PARD3: variants seen among roughly 807,000 people sequenced by gnomAD.
The protein encoded by PARD3 is par-3 family cell polarity regulator, also known as partitioning defective 3 homolog.
Under a neutral mutation model 155.4 loss-of-function variants are expected in PARD3, and 75 were observed. That is an observed-to-expected ratio of 0.48 (90% CI 0.40 to 0.58). The LOEUF (loss-of-function observed/expected upper bound fraction) is 0.58, where lower values mean the gene tolerates loss of function less well. Among genes scored for constraint, PARD3 ranks in the 20% least tolerant of loss-of-function variants. The probability of loss-of-function intolerance (pLI) is 0.00; values close to 1 mark genes in which losing one functional copy is unlikely to be tolerated. For synonymous variants in PARD3, 576 were observed against 610.5 expected (o/e 0.94, Z 0.83); for missense variants, 1,642 against 1,721.7 (o/e 0.95, Z 0.82).
intron 2 of PARD3, among the ~76,000 whole-genome samples, chr10:34,519,818 T>TA (rs1405702381): frequency 3.9e-4 from 46 of 118,112 alleles, no homozygotes; most frequent in Middle Eastern, 4.1e-3. Flanking sequence ...CATCTCAAAA[T>TA]AAATAACATA....
chr10:34,208,208 A>T (rs1951570878), intron 22 of PARD3, among the ~76,000 whole-genome samples: 1 of 152,252 alleles, frequency 6.6e-6, no homozygotes, highest in African/African-American at 2.4e-5. Context: ...CACAAGTCAA[A>T]TCAGGTTGTC....
chr10:34,682,163 G>T (rs1408745757), intron 2 of PARD3, among the ~76,000 whole-genome samples: 1 of 152,116 alleles, frequency 6.6e-6, no homozygotes, highest in African/African-American at 2.4e-5. Context: ...GCCTGATAGT[G>T]GACGGTCATC....
At chr10:34,157,995 AAACC>A (rs1949094869) in intron 22 of PARD3, among the ~76,000 whole-genome samples, 1 of 152,230 alleles carries the variant, frequency 6.6e-6, no homozygotes, top group South Asian at 2.1e-4. Flanking sequence ...TTATGAAATA[AAACC>A]ATTTCTATTT....
intron 1 of PARD3, among the ~76,000 whole-genome samples, chr10:34,807,402 C>T (rs888344167): frequency 6.6e-6 from 1 of 152,166 alleles, no homozygotes; most frequent in Non-Finnish European, 1.5e-5. Flanking sequence ...ATCACATAAC[C>T]ATAAACTCCA....
intron 2 of PARD3, among the ~76,000 whole-genome samples, chr10:34,651,312 A>G (rs1182358782): frequency 1.3e-5 from 2 of 152,220 alleles, no homozygotes; most frequent in Non-Finnish European, 2.9e-5. Context: ...TTTCTCTCAC[A>G]TACTGAGCAC....
chr10:34,507,549 A>AAAAAAAAAAAAC (rs1554880652), intron 3 of PARD3, among the ~76,000 whole-genome samples: 5,948 of 107,686 alleles, frequency 0.055, 554 homozygotes, highest in African/African-American at 0.21. Context: ...TTAAAAAAAC[A>AAAAAAAAAAAAC]AAAAAAAAAA....
chr10:34,687,846 C>CTTTTTTTTTTTTTTTT lies in PARD3; in HGVS notation c.222+8456_222+8471dup, dbSNP rs397846339. Reference sequence around the variant, plus strand: ...ATGCCCGGTCAGTTACACCTGAAATCTTTTTTTTTTTTTTTTTTTTTTTTT... The same window carrying CTTTTTTTTTTTTTTTT: ...ATGCCCGGTCAGTTACACCTGAAATCTTTTTTTTTTTTTTTTTTTTTTTTTTTTTTTTTTTTTTTTT... On this transcript the variant is annotated intron_variant, in intron 2 of 24. Coordinates refer to ENST00000374788, the MANE Select transcript of PARD3 (RefSeq NM_001184785.2). Among the ~76,000 whole-genome samples, 27 of 63,712 alleles carry CTTTTTTTTTTTTTTTT rather than the reference C, an allele frequency of 4.2e-4. 7 individuals are homozygous for CTTTTTTTTTTTTTTTT. Among genetic ancestry groups the CTTTTTTTTTTTTTTTT allele is most frequent in the African/African-American group, 1.2e-3 (17 of 13,808 alleles). 41.8% of individuals were successfully genotyped at this position (63,712 alleles called of 152,430 possible). A position where few individuals can be genotyped will look rare whatever the true frequency, so the allele number is the denominator to read the frequency against.
chr10:34,677,610 C>T (rs745307645), intron 2 of PARD3, among the ~76,000 whole-genome samples: 12 of 152,140 alleles, frequency 7.9e-5, no homozygotes, highest in Admixed American at 5.9e-4. Context: ...CCAAAACACA[C>T]ATCATTCATA....
At chr10:34,129,026 A>G (rs1947448024) in intron 23 of PARD3, among the ~76,000 whole-genome samples, 1 of 152,258 alleles carries the variant, frequency 6.6e-6, no homozygotes, top group African/African-American at 2.4e-5. Context: ...GATCTTCAGC[A>G]GCAGCTAACA....
At chr10:34,210,995 G>A (rs1951718970) in intron 22 of PARD3, among the ~76,000 whole-genome samples, 1 of 152,116 alleles carries the variant, frequency 6.6e-6, no homozygotes, top group South Asian at 2.1e-4. Context: ...GGCTTAGGAG[G>A]AGTGAGGAAC....
chr10:34,792,545 G>A (rs1841782661), intron 1 of PARD3, among the ~76,000 whole-genome samples: 2 of 152,220 alleles, frequency 1.3e-5, no homozygotes, highest in Non-Finnish European at 2.9e-5. Context: ...AAAGCCAGGA[G>A]TATTTCTTAA....
At chr10:34,576,944 T>C (rs180720430) in intron 2 of PARD3, among the ~76,000 whole-genome samples, 118 of 152,296 alleles carry the variant, frequency 7.7e-4, no homozygotes, top group African/African-American at 2.6e-3. Context: ...CTCAATTTTC[T>C]CCCCTGCGTG....
chr10:34,596,735 T>C (rs185400543), intron 2 of PARD3, among the ~76,000 whole-genome samples: 48 of 152,196 alleles, frequency 3.2e-4, no homozygotes, highest in South Asian at 1.9e-3. Context: ...CAGGTGCTAA[T>C]CCAATTCCAG....
rs190595740 is a variant in PARD3 at position 34,548,631 on chromosome 10, C to A, written c.223-31472G>T. 9.2e-5 allele frequency among the ~76,000 whole-genome samples: 14 copies of A among 152,182 alleles called. 1 individual carries two copies. The highest frequency in any genetic ancestry group is 7.9e-4 in the Admixed American group (12 of 15,286). On this transcript the variant is annotated intron_variant, in intron 2 of 24. Coordinates refer to ENST00000374788, the MANE Select transcript of PARD3 (RefSeq NM_001184785.2). ...AAAATGTCACCCTAAACACAGCAGT[C>A]ACTCAATGAATGTGGTTTATGAACA...
At chr10:34,202,094 G>A (rs1315516714) in intron 22 of PARD3, 1 of 152,082 alleles carries the variant, frequency 6.6e-6, no homozygotes, top group African/African-American at 2.4e-5. Context: ...TTTTTTTAGA[G>A]ACAGGGTCTC....
At chr10:34,428,525 A>T (rs950849046) in intron 5 of PARD3, among the ~76,000 whole-genome samples, 2 of 152,168 alleles carry the variant, frequency 1.3e-5, no homozygotes. Context: ...AATTGTCTTT[A>T]TTTCAAACAT....
At chr10:34,397,744 CAT>C (rs1843473238) in intron 7 of PARD3, among the ~76,000 whole-genome samples, 1 of 152,104 alleles carries the variant, frequency 6.6e-6, no homozygotes, top group African/African-American at 2.4e-5. Context: ...AATATAGTAA[CAT>C]GTAATTGAAA....
chr10:34,154,788 A>G (rs1382833136), intron 22 of PARD3, among the ~76,000 whole-genome samples: 2 of 152,228 alleles, frequency 1.3e-5, no homozygotes, highest in East Asian at 3.9e-4. Flanking sequence ...AGGTGTTGAA[A>G]CTCATGGGTT....
intron 21 of PARD3, among the ~76,000 whole-genome samples, chr10:34,275,500 T>C (rs187493796): frequency 2.0e-5 from 3 of 152,308 alleles, no homozygotes; most frequent in Admixed American, 2.0e-4. Flanking sequence ...TGCACTGTGA[T>C]TTTCATAAAT....
Sources: gnomAD v4.1 joint callset for allele counts (sites outside exome capture counted in the v4.1 genomes callset) on GRCh38, gnomAD v4.1.1 for gene constraint, MANE v1.5 for transcripts, NCBI Gene and HGNC (gene_info 2026-07-23, HGNC 2026-07-21) for gene names.